CHD6: variants seen among roughly 807,000 people sequenced by gnomAD.
CHD6 encodes ATP-dependent chromatin remodeler CHD6.
In CHD6, 50 loss-of-function variants were observed where a neutral mutation model predicts 276.9. That is an observed-to-expected ratio of 0.18 (90% CI 0.14 to 0.23). The LOEUF (loss-of-function observed/expected upper bound fraction) is 0.23, where lower values mean the gene tolerates loss of function less well. CHD6 is among the 10% of genes least tolerant of loss of function. The pLI is 1.00. For synonymous variants in CHD6, 1,173 were observed against 1,229.3 expected (o/e 0.95, Z 0.96); for missense variants, 2,564 against 3,365.8 (o/e 0.76, Z 5.89).
chr20:41,507,300 CT>C (rs768511728), intron 5 of CHD6, among the ~76,000 whole-genome samples: 7 of 151,914 alleles, frequency 4.6e-5, no homozygotes, highest in Non-Finnish European at 1.0e-4. Flanking sequence ...AAGCACAGGA[CT>C]TTGAATACTA....
rs146267326 is a variant in CHD6 at position 41,451,062 on chromosome 20, C to T, written c.3567G>A (p.Thr1189=). ...PVPRGRKGKK[T]KNQLLIPELK... ...GCTCTGGGATTAGCAACTGGTTCTTCGTCTTCTTCCCCTTCCTCCCTCTGG... is the reference window on the plus strand; with the variant it reads ...GCTCTGGGATTAGCAACTGGTTCTTTGTCTTCTTCCCCTTCCTCCCTCTGG... Residue 1189 remains threonine (T), a synonymous_variant, in exon 23 of 37, where the codon ACG becomes ACA. Coordinates refer to ENST00000373233, the MANE Select transcript of CHD6 (RefSeq NM_032221.5). The T allele has an allele frequency of 4.0e-5, 64 of 1,614,024 alleles. No homozygotes were observed. In the Middle Eastern group the frequency reaches 4.9e-4, roughly 12 times the overall value.
intron 31 of CHD6, among the ~76,000 whole-genome samples, chr20:41,419,263 C>T (rs775603269): frequency 9.3e-4 from 141 of 151,910 alleles, no homozygotes; most frequent in Non-Finnish European, 1.5e-3. Context: ...AAAACCAAGA[C>T]GAGGAGTTTA....
intron 36 of CHD6, among the ~76,000 whole-genome samples, chr20:41,408,061 T>TA (rs1233432119): frequency 2.0e-5 from 3 of 150,864 alleles, no homozygotes; most frequent in South Asian, 4.2e-4. Flanking sequence ...CCAAGAATAT[T>TA]AAAAAAATAA....
chr20:41,467,806 G>GT (rs973227043), intron 17 of CHD6, among the ~76,000 whole-genome samples: 3 of 125,270 alleles, frequency 2.4e-5, no homozygotes, highest in Non-Finnish European at 5.1e-5. Context: ...ACAGAAAGGA[G>GT]TTAAAAAAAA....
chr20:41,470,184 G>C (rs1359202395), intron 17 of CHD6, among the ~76,000 whole-genome samples: 1 of 152,098 alleles, frequency 6.6e-6, no homozygotes, highest in African/African-American at 2.4e-5. Context: ...AAGCAAGCAA[G>C]AACCTTGCTC....
At chr20:41,443,174 G>A (rs1285503156) in intron 25 of CHD6, among the ~76,000 whole-genome samples, 9 of 152,200 alleles carry the variant, frequency 5.9e-5, no homozygotes, top group Non-Finnish European at 8.8e-5. Context: ...TCTCACAGGT[G>A]TGATCAGCAA....
intron 1 of CHD6, among the ~76,000 whole-genome samples, chr20:41,554,182 A>G (rs1282330674): frequency 6.6e-6 from 1 of 152,124 alleles, no homozygotes; most frequent in Admixed American, 6.5e-5. Context: ...GGAAAACTCT[A>G]CCAATGTTAA....
At chr20:41,532,176 C>A (rs2044702162) in intron 3 of CHD6, among the ~76,000 whole-genome samples, 1 of 152,200 alleles carries the variant, frequency 6.6e-6, no homozygotes, top group Non-Finnish European at 1.5e-5. Context: ...AGGGTCTATA[C>A]AGTGAATCTG....
chr20:41,586,266 A>G (rs1009848267), intron 1 of CHD6, among the ~76,000 whole-genome samples: 3 of 152,176 alleles, frequency 2.0e-5, no homozygotes, highest in Admixed American at 6.5e-5. Context: ...GAACGCCGTC[A>G]CAAGACCCGC....
At chr20:41,435,671 T>C (rs933951987) in intron 27 of CHD6, among the ~76,000 whole-genome samples, 55 of 150,356 alleles carry the variant, frequency 3.7e-4, no homozygotes, top group African/African-American at 1.3e-3. Context: ...AAAAACTCAA[T>C]GAAGATGTCA....
At chr20:41,568,203 CAAAT>C (rs1227901513) in intron 1 of CHD6, among the ~76,000 whole-genome samples, 1 of 152,106 alleles carries the variant, frequency 6.6e-6, no homozygotes, top group Non-Finnish European at 1.5e-5. Flanking sequence ...ATATTTCAAA[CAAAT>C]AACTCATATA....
chr20:41,465,851 G>C (rs2042907326), intron 17 of CHD6, among the ~76,000 whole-genome samples: 1 of 152,162 alleles, frequency 6.6e-6, no homozygotes. Flanking sequence ...AGCATATTTG[G>C]AAAAACCAGC....
rs2046703341 is a variant in CHD6, at chr20:41,407,180, G to A, written c.7252-1691C>T. On this transcript the variant is annotated intron_variant, in intron 36 of 36. Coordinates refer to ENST00000373233, the MANE Select transcript of CHD6 (RefSeq NM_032221.5). ...GGCAACTCCCAGGGCTGCACCTGCG[G>A]CCTTTTCAGGATTCTCCTTTGGAAT... is the stretch of plus-strand genomic sequence containing the variant. 2.0e-5 allele frequency among the ~76,000 whole-genome samples: 3 copies of A among 152,300 alleles called. No individual in the cohort carries two copies. In the South Asian group the frequency reaches 6.2e-4, roughly 32 times the overall value.
intron 17 of CHD6, among the ~76,000 whole-genome samples, chr20:41,465,886 G>C (rs1167223587): frequency 1.3e-5 from 2 of 152,164 alleles, no homozygotes; most frequent in Non-Finnish European, 2.9e-5. Flanking sequence ...CTTCCATCCT[G>C]TTCTCTAAAG....
At position 41,493,858 on chromosome 20, in the gene CHD6, C is replaced by G; in HGVS notation, c.1179G>C (p.Glu393Asp). The G allele has an allele frequency of 6.2e-7, 1 of 1,612,904 alleles. No homozygotes were observed. Among genetic ancestry groups the G allele is most frequent in the Non-Finnish European group, 8.5e-7 (1 of 1,179,074 alleles). Residue 393 changes from glutamate (E) to aspartate (D), a missense_variant and splice_region_variant, in exon 9 of 37, where the codon GAG becomes GAC. Around this residue, in one of 7 missense-constraint regions of CHD6, gnomAD observed 457 missense variants for 889.0 expected, o/e 0.51. Transcript: ENST00000373233. ...TGCTTCAGGAGAGGCAAATACCCAC[C>G]TCCCCTGTTTCTGCATCCTTGGTGT... Reference protein sequence around the residue: ...VAHTKDAETGEEVTHYLVKWC... With the variant: ...VAHTKDAETGDEVTHYLVKWC...
At chr20:41,505,701 G>C (rs2043960960) in intron 5 of CHD6, among the ~76,000 whole-genome samples, 1 of 151,768 alleles carries the variant, frequency 6.6e-6, no homozygotes, top group South Asian at 2.1e-4. Context: ...CTAGTTTTTG[G>C]ATTTCTTCTC....
At position 41,402,804 on chromosome 20, in the gene CHD6, T is replaced by C. The variant is rs939727402; in HGVS notation, c.*1789A>G. 2 of 210,262 alleles carry C rather than the reference T, an allele frequency of 9.5e-6. No homozygotes were observed. The highest frequency in any genetic ancestry group is 4.5e-5 in the African/African-American group (2 of 44,078). 13.0% of individuals were successfully genotyped at this position (210,262 alleles called of 1,614,324 possible). A position where few individuals can be genotyped will look rare whatever the true frequency, so the allele number is the denominator to read the frequency against. ...GAGGCAAAACTGAACAAAATGTTAG[T>C]TAAATAGAGAGAGCAGCATTTCTAA... On this transcript the variant is annotated 3_prime_UTR_variant, in exon 37 of 37. Transcript: ENST00000373233.
At chr20:41,436,711 A>G (rs2047720237) in intron 27 of CHD6, among the ~76,000 whole-genome samples, 1 of 152,196 alleles carries the variant, frequency 6.6e-6, no homozygotes, top group South Asian at 2.1e-4. Flanking sequence ...ACAGACAACC[A>G]CCTAGATGAA....
chr20:41,469,241 C>G (rs1314825100), intron 17 of CHD6, among the ~76,000 whole-genome samples: 1 of 152,192 alleles, frequency 6.6e-6, no homozygotes, highest in Non-Finnish European at 1.5e-5. Context: ...TGCTCCCACA[C>G]TTTCTGAATT....
Sources: gnomAD v4.1 joint callset for allele counts (sites outside exome capture counted in the v4.1 genomes callset) on GRCh38, gnomAD v4.1.1 for gene constraint, gnomAD v4.1.1 regional missense constraint, MANE v1.5 for transcripts, NCBI Gene and HGNC (gene_info 2026-07-23, HGNC 2026-07-21) for gene names.